Variants in GRM7 observed in about 807,000 individuals in gnomAD.
GRM7 encodes metabotropic glutamate receptor 7.
A neutral mutation model predicts 84.5 loss-of-function variants in GRM7; 35 were observed. The observed-to-expected ratio is 0.41, with a 90% CI of 0.32 to 0.55. The LOEUF (loss-of-function observed/expected upper bound fraction) is 0.55. Among genes scored for constraint, GRM7 ranks in the 20% least tolerant of loss-of-function variants. The probability of loss-of-function intolerance (pLI) is 0.19; values close to 1 mark genes in which losing one functional copy is unlikely to be tolerated. For synonymous variants in GRM7, 487 were observed against 455.1 expected (o/e 1.07, Z -0.89); for missense variants, 1,003 against 1,194.6 (o/e 0.84, Z 2.36).
chr3:7,501,489 C>A (rs1699881168), intron 7 of GRM7, among the ~76,000 whole-genome samples: 1 of 152,144 alleles, frequency 6.6e-6, no homozygotes. Context: ...TGGACAATAG[C>A]CATCTGAGTT....
At chr3:7,314,723 G>T (rs899487317) in intron 4 of GRM7, among the ~76,000 whole-genome samples, 5 of 151,890 alleles carry the variant, frequency 3.3e-5, no homozygotes, top group Non-Finnish European at 5.9e-5. Flanking sequence ...TAAGATAATT[G>T]ATTTAAATTC....
chr3:7,559,158 G>C (rs1210021335), intron 7 of GRM7: 1 of 134,132 alleles, frequency 7.5e-6, no homozygotes, highest in Non-Finnish European at 1.6e-5. Flanking sequence ...TCATTGAAAT[G>C]AGTAATTACC....
chr3:7,242,430 T>C (rs1447919132), intron 2 of GRM7, among the ~76,000 whole-genome samples: 3 of 152,192 alleles, frequency 2.0e-5, no homozygotes, highest in East Asian at 3.9e-4. Context: ...TCTTGCAGTG[T>C]AGTGCATCTT....
chr3:7,068,375 G>C (rs766895336), intron 1 of GRM7, among the ~76,000 whole-genome samples: 4 of 151,950 alleles, frequency 2.6e-5, no homozygotes, highest in Admixed American at 1.3e-4. Context: ...TTTAAACACT[G>C]TTTTGCTCAG....
At chr3:7,052,697 G>A (rs181826841) in intron 1 of GRM7, among the ~76,000 whole-genome samples, 117 of 139,424 alleles carry the variant, frequency 8.4e-4, no homozygotes, top group African/African-American at 3.2e-3. Context: ...TGATATGTAT[G>A]CATGTTATTG....
chr3:6,943,554 G>T (rs556082350), intron 1 of GRM7, among the ~76,000 whole-genome samples: 7 of 152,078 alleles, frequency 4.6e-5, no homozygotes, highest in South Asian at 2.1e-4. Context: ...TTGTATATCT[G>T]TTTATCTTTA....
At chr3:7,448,977 A>C (rs1697648706) in intron 5 of GRM7, among the ~76,000 whole-genome samples, 1 of 152,074 alleles carries the variant, frequency 6.6e-6, no homozygotes, top group Admixed American at 6.6e-5. Flanking sequence ...ATAAAAAATA[A>C]GAGAAATTTA....
At chr3:7,075,741 G>A (rs1028625741) in intron 1 of GRM7, among the ~76,000 whole-genome samples, 1 of 152,034 alleles carries the variant, frequency 6.6e-6, no homozygotes, top group Non-Finnish European at 1.5e-5. Flanking sequence ...GGCCAGGCTG[G>A]TTTCGAACTC....
chr3:7,526,112 A>G (rs1476861373), intron 7 of GRM7, among the ~76,000 whole-genome samples: 1 of 152,152 alleles, frequency 6.6e-6, no homozygotes, highest in Non-Finnish European at 1.5e-5. Flanking sequence ...TAGTTCTTTG[A>G]GAAATCTCCA....
chr3:7,656,539 ACGCG>A (rs138474954), intron 8 of GRM7, among the ~76,000 whole-genome samples: 2,380 of 67,656 alleles, frequency 0.035, 28 homozygotes, highest in Middle Eastern at 0.057. Flanking sequence ...ATATATATAT[ACGCG>A]CGCGCACACA....
rs144355845 is a variant in GRM7, at chr3:7,418,744, C to A, written c.1174+3581C>A. Among the ~76,000 whole-genome samples, 227 of 152,180 alleles carry A rather than the reference C, an allele frequency of 1.5e-3. 1 individual carries two copies. The highest frequency in any genetic ancestry group is 5.4e-3 in the African/African-American group (223 of 41,522). On this transcript the variant is annotated intron_variant, in intron 5 of 9. Coordinates refer to ENST00000357716, the MANE Select transcript of GRM7 (RefSeq NM_000844.4). ...TTACACAAATGAAGTGACATCTCTG[C>A]AAAAAGAGATTGAGGCCATCTTGGG...
chr3:7,421,639 A>G (rs1696398530), intron 5 of GRM7, among the ~76,000 whole-genome samples: 1 of 151,838 alleles, frequency 6.6e-6, no homozygotes, highest in East Asian at 1.9e-4. Flanking sequence ...TCAGGAATGC[A>G]CCTTGTCCAT....
At chr3:7,442,754 A>G (rs1455012853) in intron 5 of GRM7, among the ~76,000 whole-genome samples, 1 of 152,182 alleles carries the variant, frequency 6.6e-6, no homozygotes, top group East Asian at 1.9e-4. Context: ...ATACATGGGA[A>G]GCACATTAAT....
intron 1 of GRM7, among the ~76,000 whole-genome samples, chr3:7,039,752 ACT>A (rs758942920): frequency 6.6e-6 from 1 of 151,576 alleles, no homozygotes; most frequent in Non-Finnish European, 1.5e-5. Context: ...GATTAGTGAG[ACT>A]CTGTTCCACC....
intron 4 of GRM7, among the ~76,000 whole-genome samples, chr3:7,309,269 C>T (rs1003941170): frequency 1.3e-5 from 2 of 152,196 alleles, no homozygotes; most frequent in Non-Finnish European, 2.9e-5. Context: ...GAAATGCATT[C>T]AGTTATGCCA....
intron 1 of GRM7, among the ~76,000 whole-genome samples, chr3:6,945,864 T>G (rs1698058649): frequency 6.6e-6 from 1 of 152,236 alleles, no homozygotes; most frequent in Non-Finnish European, 1.5e-5. Context: ...ATGTCTTCTT[T>G]TGAGAAGTGT....
intron 4 of GRM7, among the ~76,000 whole-genome samples, chr3:7,365,947 C>G (rs1263392396): frequency 1.1e-4 from 16 of 151,296 alleles, no homozygotes; most frequent in Non-Finnish European, 2.4e-4. Context: ...ATTCTGGGGC[C>G]AGCTTTATGT....
rs374318084 is a variant in GRM7, at chr3:7,586,003, A to G, written c.2451+6646A>G. Among the ~76,000 whole-genome samples the G allele has an allele frequency of 4.0e-5, 6 of 151,696 alleles. No individual in the cohort carries two copies. In the East Asian group the frequency reaches 1.2e-3, roughly 29 times the overall value. On this transcript the variant is annotated intron_variant, in intron 8 of 9. Transcript: ENST00000357716. ...CTGGTTTATTTGGGCATTTTCTTCTACTCCACCATCCTATACTGCTTTGAG... is the reference window on the plus strand; with the variant it reads ...CTGGTTTATTTGGGCATTTTCTTCTGCTCCACCATCCTATACTGCTTTGAG...
At chr3:7,179,129 G>C (rs1695253209) in intron 2 of GRM7, among the ~76,000 whole-genome samples, 1 of 151,336 alleles carries the variant, frequency 6.6e-6, no homozygotes, top group Admixed American at 6.6e-5. Flanking sequence ...ATGTTATCTT[G>C]GTACTCTAGA....
Sources: allele counts gnomAD v4.1 joint callset (sites outside exome capture counted in the v4.1 genomes callset), GRCh38; gene constraint gnomAD v4.1.1; transcripts MANE v1.5; gene names NCBI Gene and HGNC (gene_info 2026-07-23, HGNC 2026-07-21).